ZBTB18: variants seen among roughly 807,000 people sequenced by gnomAD.
ZBTB18 encodes zinc finger and BTB domain containing 18.
In ZBTB18, 2 loss-of-function variants were observed where a neutral mutation model predicts 37.7. That is an observed-to-expected ratio of 0.05 (90% confidence interval 0.02 to 0.17). ZBTB18 has a LOEUF of 0.17. Among genes scored for constraint, ZBTB18 ranks in the 10% least tolerant of loss-of-function variants. The pLI is 1.00. For missense variants in ZBTB18, 408 were observed against 686.3 expected, an observed-to-expected ratio of 0.59 and a Z score of 4.53; for synonymous variants, 304 against 276.5, an observed-to-expected ratio of 1.10 and a Z score of -0.99.
upstream of ZBTB18, among the ~76,000 whole-genome samples, chr1:244,050,100 A>G (rs537712482): frequency 2.6e-5 from 4 of 152,288 alleles, no homozygotes; most frequent in African/African-American, 7.2e-5. Context: ...GGAAAGCGAG[A>G]AGGACAGGAC....
upstream of ZBTB18, among the ~76,000 whole-genome samples, chr1:244,049,205 G>A (rs1244108070): frequency 1.4e-5 from 2 of 143,556 alleles, no homozygotes; most frequent in Non-Finnish European, 3.1e-5. Flanking sequence ...CGGGAGGCCC[G>A]GGCGCGGGGA....
rs1371424597 is a variant in ZBTB18 at position 244,055,078 on chromosome 1, A to G, written c.1304A>G (p.Lys435Arg). Reference sequence around the variant, plus strand: ...ACTTTCTCTTGCATGTACACCCTCAAGCGCCACGAGAGGACTCACTCGGGG... The same window carrying G: ...ACTTTCTCTTGCATGTACACCCTCAGGCGCCACGAGAGGACTCACTCGGGG... ...GKTFSCMYTLKRHERTHSGEK... is the reference protein window; with the variant it reads ...GKTFSCMYTLRRHERTHSGEK... The change falls in exon 2 of 2, where the codon AAG (lysine) becomes AGG (arginine). Residue 435 changes from lysine (K) to arginine (R), a missense_variant. By Grantham distance (26) the Lys-to-Arg change is conservative. Transcript: ENST00000358704. This position sits in a 1 kb window ranked among gnomAD's most constrained non-coding sequence, Gnocchi z 7.0. 1 of 1,614,128 alleles carries G rather than the reference A, an allele frequency of 6.2e-7. No homozygotes were observed. Among genetic ancestry groups the G allele is most frequent in the Non-Finnish European group, 8.5e-7 (1 of 1,180,032 alleles).
rs1452653214 is a variant in ZBTB18, at chr1:244,053,891, G to A, written c.117G>A (p.Val39=). Residue 39 remains valine (V), a synonymous_variant, in exon 2 of 2, where the codon GTG becomes GTA. Transcript: ENST00000358704. The surrounding 1 kb of genome is among the most constrained non-coding windows in gnomAD (Gnocchi z 5.2). ...QGFLCDCTVL[V]GDAQFRAHRA... ...TTCTTTGTGACTGCACTGTTCTGGTGGGAGATGCCCAGTTCCGAGCGCACC... is the reference window on the plus strand; with the variant it reads ...TTCTTTGTGACTGCACTGTTCTGGTAGGAGATGCCCAGTTCCGAGCGCACC... The A allele has an allele frequency of 3.1e-6, 5 of 1,614,132 alleles. No individual in the cohort carries two copies. The highest frequency in any genetic ancestry group is 1.3e-5 in the African/African-American group (1 of 75,030).
chr1:244,054,332 G>A lies in ZBTB18; in HGVS notation c.558G>A (p.Ala186=), dbSNP rs563344619. Residue 186 remains alanine, a synonymous_variant, in exon 2 of 2, where the codon GCG becomes GCA. Transcript: ENST00000358704. This position sits in a 1 kb window ranked among gnomAD's most constrained non-coding sequence, Gnocchi z 9.0. ...TCCTGCCCAGCAAAAGGGACTTGGC[G>A]GCCGAGCCTGGGAACATGTGGATGC... ...LNILPSKRDL[A]AEPGNMWMRL... is the part of the protein sequence containing the mutation. 13 of 1,614,158 alleles carry A rather than the reference G, an allele frequency of 8.1e-6. No individual in the cohort carries two copies. Among genetic ancestry groups the A allele is most frequent in the East Asian group, 2.2e-5 (1 of 44,862 alleles).
At position 244,057,362 on chromosome 1, in the gene ZBTB18, A is replaced by G. The variant is rs1698496269; in HGVS notation, c.*1992A>G. Reference sequence around the variant, plus strand: ...GACATCTAGCTTTGACAATCATAGTATGTTTTATTTTCCTGAGGGGGAATA... The same window carrying G: ...GACATCTAGCTTTGACAATCATAGTGTGTTTTATTTTCCTGAGGGGGAATA... On this transcript the variant is annotated 3_prime_UTR_variant, in exon 2 of 2. Coordinates refer to ENST00000358704, the MANE Select transcript of ZBTB18 (RefSeq NM_205768.3). The G allele has an allele frequency of 6.0e-6, 1 of 166,818 alleles. No individual in the cohort carries two copies. The highest frequency in any genetic ancestry group is 6.5e-5 in the Admixed American group (1 of 15,284). The allele number at this position is 166,818 out of a possible 1,614,324, so 10.3% of individuals were successfully genotyped here.
upstream of ZBTB18, chr1:244,049,014 C>G (rs1225456028): frequency 6.8e-6 from 1 of 148,130 alleles, no homozygotes; most frequent in Non-Finnish European, 1.5e-5. Context: ...GCGCCGGCCC[C>G]TGGCCCCTGA....
Position 244,055,043 on chromosome 1 carries a change from G to A in ZBTB18, c.1269G>A (p.Leu423=). 6.2e-7 allele frequency: 1 copy of A among 1,614,228 alleles called. No individual in the cohort carries two copies. Among genetic ancestry groups the A allele is most frequent in the Non-Finnish European group, 8.5e-7 (1 of 1,180,050 alleles). Residue 423 remains leucine, a synonymous_variant, in exon 2 of 2, where the codon CTG becomes CTA. Transcript: ENST00000358704. This position sits in a 1 kb window ranked among gnomAD's most constrained non-coding sequence, Gnocchi z 7.0. ...ATGTCAACGTGCCCACGTGCTCGCT[G>A]TGTGGGAAGACTTTCTCTTGCATGT... ...AADVNVPTCS[L]CGKTFSCMYT...
At chr1:244,051,962 AAAC>A (rs1468436966) in intron 1 of ZBTB18, among the ~76,000 whole-genome samples, 2 of 152,228 alleles carry the variant, frequency 1.3e-5, no homozygotes, top group Non-Finnish European at 2.9e-5. Context: ...GAAGAAAAAA[AAAC>A]CAAACTTTTG....
chr1:244,054,314 C>T lies in ZBTB18; in HGVS notation c.540C>T (p.Pro180=). Residue 180 remains proline (P), a synonymous_variant, in exon 2 of 2, where the codon CCC becomes CCT. Coordinates refer to ENST00000358704, the MANE Select transcript of ZBTB18 (RefSeq NM_205768.3). This position sits in a 1 kb window ranked among gnomAD's most constrained non-coding sequence, Gnocchi z 9.0. The stretch of plus-strand genomic sequence containing the variant: ...AAGATGAAAAATTGAACATCCTGCC[C>T]AGCAAAAGGGACTTGGCGGCCGAGC... ...EGEDEKLNIL[P]SKRDLAAEPG... The T allele has an allele frequency of 6.2e-7, 1 of 1,614,170 alleles. No individual in the cohort carries two copies. The highest frequency in any genetic ancestry group is 1.1e-5 in the South Asian group (1 of 91,076).
At chr1:244,049,207 G>C (rs1382278489), upstream of ZBTB18, among the ~76,000 whole-genome samples, 1 of 143,982 alleles carries the variant, frequency 6.9e-6, no homozygotes, top group South Asian at 2.1e-4. Context: ...GGAGGCCCGG[G>C]CGCGGGGACG....
rs1284863636 is a variant in ZBTB18, at chr1:244,057,270, T to A, written c.*1900T>A. On this transcript the variant is annotated 3_prime_UTR_variant, in exon 2 of 2. Transcript: ENST00000358704. ...TTTCTTTTGGATTTTCTTTTTGTGGTCATTGTGAGTGATTGCTTTTTCCTT... is the reference window on the plus strand; with the variant it reads ...TTTCTTTTGGATTTTCTTTTTGTGGACATTGTGAGTGATTGCTTTTTCCTT... 1 of 167,072 alleles carries A rather than the reference T, an allele frequency of 6.0e-6. No individual in the cohort carries two copies. The highest frequency in any genetic ancestry group is 1.5e-5 in the Non-Finnish European group (1 of 68,114). 10.3% of individuals were successfully genotyped at this position (167,072 alleles called of 1,614,324 possible). A position where few individuals can be genotyped will look rare whatever the true frequency, so the allele number is the denominator to read the frequency against.
In ZBTB18 at chr1:244,051,451, G is replaced by A; in HGVS notation, c.13+7G>A. 1 of 1,614,044 alleles carries A rather than the reference G, an allele frequency of 6.2e-7. No individual in the cohort carries two copies. On this transcript the variant is annotated splice_region_variant and intron_variant, in intron 1 of 1. Transcript: ENST00000358704. ...AGGTTTATGTGTCCTAAAGGTAGGA[G>A]TAGCAAGAGATTAGATTGAGCATAT...
At chr1:244,051,540 G>T in intron 1 of ZBTB18, 96 bp downstream of exon 1, 1 of 1,433,232 alleles carries the variant, frequency 7.0e-7, no homozygotes, top group Non-Finnish European at 9.7e-7. Flanking sequence ...CCCAGTTTAG[G>T]AATAATATAT....
rs1698461098 is a variant in ZBTB18, at chr1:244,056,000, G to A, written c.*630G>A. 1.2e-5 allele frequency: 2 copies of A among 167,064 alleles called. No homozygotes were observed. Among genetic ancestry groups the A allele is most frequent in the South Asian group, 4.1e-4 (2 of 4,830 alleles). The allele number at this position is 167,064 out of a possible 1,614,324, so 10.3% of individuals were successfully genotyped here. A position where few individuals can be genotyped will look rare whatever the true frequency, so the allele number is the denominator to read the frequency against. ...TGTCTTATGAAGGTTTGCTTGGGAT[G>A]AAAAAGGATATTGCAGCTTCAGCAG... On this transcript the variant is annotated 3_prime_UTR_variant, in exon 2 of 2. Transcript: ENST00000358704. The surrounding 1 kb of genome is among the most constrained non-coding windows in gnomAD (Gnocchi z 7.0).
rs1413833825 is a variant in ZBTB18, at chr1:244,053,306, C to T, written c.14-482C>T. ...TTAAACTGTGCTTTCTAAGCACAGTCAGGTAGCAAAAGTAATAAAAAGGAT... is the reference window on the plus strand; with the variant it reads ...TTAAACTGTGCTTTCTAAGCACAGTTAGGTAGCAAAAGTAATAAAAAGGAT... On this transcript the variant is annotated intron_variant, in intron 1 of 1. Coordinates refer to ENST00000358704, the MANE Select transcript of ZBTB18 (RefSeq NM_205768.3). This position sits in a 1 kb window ranked among gnomAD's most constrained non-coding sequence, Gnocchi z 5.2. Among the ~76,000 whole-genome samples the T allele has an allele frequency of 2.0e-5, 3 of 152,092 alleles. No homozygotes were observed. Among genetic ancestry groups the T allele is most frequent in the Non-Finnish European group, 2.9e-5 (2 of 68,026 alleles).
chr1:244,054,324 G>A lies in ZBTB18; in HGVS notation c.550G>A (p.Asp184Asn). 1 of 1,614,178 alleles carries A rather than the reference G, an allele frequency of 6.2e-7. No homozygotes were observed. Among genetic ancestry groups the A allele is most frequent in the Non-Finnish European group, 8.5e-7 (1 of 1,180,030 alleles). Residue 184 changes from aspartate to asparagine, a missense_variant, in exon 2 of 2, where the codon GAC (aspartate) becomes AAC (asparagine). Asp to Asn is a conservative substitution (Grantham distance 23). Around this residue, in one of 4 missense-constraint regions of ZBTB18, gnomAD observed 266 missense variants for 312.0 expected, o/e 0.85. Transcript: ENST00000358704. This position sits in a 1 kb window ranked among gnomAD's most constrained non-coding sequence, Gnocchi z 9.0. The part of the protein sequence containing the change: ...EKLNILPSKR[D>N]LAAEPGNMWM... ...ATTGAACATCCTGCCCAGCAAAAGG[G>A]ACTTGGCGGCCGAGCCTGGGAACAT... is the stretch of plus-strand genomic sequence containing the variant.
rs573265425 is a variant in ZBTB18 at position 244,053,223 on chromosome 1, G to A, written c.14-565G>A. 9.2e-5 allele frequency among the ~76,000 whole-genome samples: 14 copies of A among 152,166 alleles called. No homozygotes were observed. The South Asian group carries it at 2.9e-3, about 32-fold the overall frequency. On this transcript the variant is annotated intron_variant, in intron 1 of 1. Coordinates refer to ENST00000358704, the MANE Select transcript of ZBTB18 (RefSeq NM_205768.3). This position sits in a 1 kb window ranked among gnomAD's most constrained non-coding sequence, Gnocchi z 5.2. ...AAAGTAAGTTGTTTGCTAATTTCTG[G>A]ACTAATTATGCAATTTCATTTTTTT...
upstream of ZBTB18, among the ~76,000 whole-genome samples, chr1:244,050,440 C>CG (rs1198647680): frequency 7.1e-6 from 1 of 139,964 alleles, no homozygotes; most frequent in Non-Finnish European, 1.6e-5. Context: ...AGTGACCCCC[C>CG]CCCAAAGAAA....
Position 244,055,319 on chromosome 1 carries a change from T to G in ZBTB18, c.1545T>G (p.Pro515=), listed in dbSNP as rs1388358751. Residue 515 remains proline (P), a synonymous_variant, in exon 2 of 2, where the codon CCT becomes CCG. Coordinates refer to ENST00000358704, the MANE Select transcript of ZBTB18 (RefSeq NM_205768.3). This position sits in a 1 kb window ranked among gnomAD's most constrained non-coding sequence, Gnocchi z 7.0. ...TCAAAAGCGAAGCACTGAGCTTGCC[T>G]ACTGTCAGAGACTGGACCTTAGAAG... ...LSVKSEALSL[P]TVRDWTLEDS... is the part of the protein sequence containing the mutation. 6.2e-7 allele frequency: 1 copy of G among 1,612,512 alleles called. No individual in the cohort carries two copies. The highest frequency in any genetic ancestry group is 1.1e-5 in the South Asian group (1 of 91,040).
Sources: allele counts gnomAD v4.1 joint callset (sites outside exome capture counted in the v4.1 genomes callset), GRCh38; gene constraint gnomAD v4.1.1; regional missense constraint gnomAD v4.1.1; non-coding constraint Gnocchi (gnomAD v3.1); transcripts MANE v1.5; gene names NCBI Gene and HGNC (gene_info 2026-07-23, HGNC 2026-07-21).